Variants in OTULINL observed in about 807,000 individuals in gnomAD.
The protein encoded by OTULINL is OTU deubiquitinase with linear linkage specificity like.
OTULINL carries 42 observed loss-of-function variants against 43.9 expected under a neutral mutation model. The ratio of observed to expected loss-of-function variants is 0.96; its 90% CI spans 0.75 to 1.24. The LOEUF (loss-of-function observed/expected upper bound fraction) is 1.24, where lower values mean the gene tolerates loss of function less well. Among genes scored for constraint, OTULINL ranks in the 50% most tolerant of loss-of-function variants. The pLI, the probability that OTULINL is intolerant of heterozygous loss-of-function variation, is 0.00. For missense variants in OTULINL, 411 were observed against 426.4 expected (o/e 0.96, Z 0.32); for synonymous variants, 172 against 153.6 (o/e 1.12, Z -0.88).
rs895204926 is a variant in OTULINL at position 14,610,212 on chromosome 5, C to T, written c.969C>T (p.Ser323=). 8 of 1,613,856 alleles carry T rather than the reference C, an allele frequency of 5.0e-6. No individual in the cohort carries two copies. Among genetic ancestry groups the T allele is most frequent in the South Asian group, 1.1e-5 (1 of 91,062 alleles). ...TGTTCAGACTGTTCAAGTTTAACTC[C>T]AGAGACTTTGAAGTCTGCTACCCAG... ...IKVFRLFKFN[S]RDFEVCYPEE... Residue 323 remains serine, a synonymous_variant, in exon 8 of 8, where the codon TCC becomes TCT. Transcript: ENST00000274217.
At position 14,616,151 on chromosome 5, in the gene OTULINL, A is replaced by G. The variant is rs1475786260; in HGVS notation, c.*5837A>G. Among the ~76,000 whole-genome samples, 1 of 152,232 alleles carries G rather than the reference A, an allele frequency of 6.6e-6. No individual in the cohort carries two copies. Among genetic ancestry groups the G allele is most frequent in the East Asian group, 1.9e-4 (1 of 5,196 alleles). On this transcript the variant is annotated 3_prime_UTR_variant, in exon 8 of 8. Transcript: ENST00000274217. ...GTACTTAATCTTGCAGTGTGGTAAT[A>G]AAGACTTCTACACTTTAGTAGCACT... is the stretch of plus-strand genomic sequence containing the variant.
At position 14,607,454 on chromosome 5, in the gene OTULINL, C is replaced by T. The variant is rs779793128; in HGVS notation, c.623C>T (p.Thr208Ile). Residue 208 changes from threonine to isoleucine, a missense_variant, in exon 6 of 8, where the codon ACA becomes ATA. Transcript: ENST00000274217. Reference protein sequence around the residue: ...KLRKYVELLKTQWTEFNGIRD... With the variant: ...KLRKYVELLKIQWTEFNGIRD... ...CGGAAATATGTGGAATTATTGAAAA[C>T]ACAGGTAAGTGTTTGCGGGGGAAAT... The T allele has an allele frequency of 3.7e-6, 6 of 1,613,704 alleles. No individual in the cohort carries two copies. The highest frequency in any genetic ancestry group is 1.7e-4 in the Middle Eastern group (1 of 6,060).
At chr5:14,597,766 T>G (rs1336721313) in intron 1 of OTULINL, among the ~76,000 whole-genome samples, 1 of 152,216 alleles carries the variant, frequency 6.6e-6, no homozygotes, top group East Asian at 1.9e-4. Flanking sequence ...CAGATGGTTC[T>G]CTGGTACCCA....
intron 1 of OTULINL, among the ~76,000 whole-genome samples, chr5:14,597,171 C>T (rs531340533): frequency 3.3e-5 from 5 of 152,198 alleles, no homozygotes; most frequent in South Asian, 2.1e-4. Flanking sequence ...AACAATAATT[C>T]GTGTTTATTG....
At chr5:14,592,934 A>G (rs1318760972) in intron 1 of OTULINL, among the ~76,000 whole-genome samples, 1 of 152,088 alleles carries the variant, frequency 6.6e-6, no homozygotes, top group East Asian at 1.9e-4. Context: ...GCTCAGTCTC[A>G]TGTCCTAGGG....
chr5:14,586,957 C>T (rs992897140), intron 1 of OTULINL, among the ~76,000 whole-genome samples: 2 of 151,800 alleles, frequency 1.3e-5, no homozygotes. Flanking sequence ...AGGCTTGGGA[C>T]AGCCTCGGTG....
chr5:14,582,251 A>G (rs986823963), intron 1 of OTULINL, among the ~76,000 whole-genome samples: 12 of 151,890 alleles, frequency 7.9e-5, no homozygotes, highest in African/African-American at 2.4e-4. Flanking sequence ...GGTTCCTGGA[A>G]GAAAGCCGGT....
Position 14,609,455 on chromosome 5 carries a change from G to A in OTULINL, c.897+438G>A, listed in dbSNP as rs540837447. The stretch of plus-strand genomic sequence containing the variant: ...TAGAAAAGAGTTTCTTTTTTGTTTT[G>A]CTTTCCTAGAGGGCGAACAAAATTA... On this transcript the variant is annotated intron_variant, in intron 7 of 7. Transcript: ENST00000274217. Among the ~76,000 whole-genome samples, 5 of 152,268 alleles carry A rather than the reference G, an allele frequency of 3.3e-5. No individual in the cohort carries two copies. In the South Asian group the frequency reaches 1.0e-3, roughly 32 times the overall value.
chr5:14,599,874 T>A (rs555849426), intron 1 of OTULINL, among the ~76,000 whole-genome samples: 1 of 152,240 alleles, frequency 6.6e-6, no homozygotes, highest in Non-Finnish European at 1.5e-5. Context: ...ATATGCAGCA[T>A]CACTAAATAG....
chr5:14,586,818 G>A (rs1287314892), intron 1 of OTULINL, among the ~76,000 whole-genome samples: 2 of 151,944 alleles, frequency 1.3e-5, no homozygotes, highest in African/African-American at 4.8e-5. Flanking sequence ...ATTCTCAAGA[G>A]AGTCTTCCCT....
In OTULINL at chr5:14,587,207, A is replaced by C. The variant is rs1403417329; in HGVS notation, c.64+5249A>C. Among the ~76,000 whole-genome samples, 4 of 152,194 alleles carry C rather than the reference A, an allele frequency of 2.6e-5. No homozygotes were observed. In the East Asian group the frequency reaches 7.7e-4, roughly 29 times the overall value. On this transcript the variant is annotated intron_variant, in intron 1 of 7. Transcript: ENST00000274217. ...ATAACACCTGATACTTTGGGGTTGTATTTTTTGACCTGTGACGAGAAGGCC... is the reference window on the plus strand; with the variant it reads ...ATAACACCTGATACTTTGGGGTTGTCTTTTTTGACCTGTGACGAGAAGGCC...
chr5:14,584,622 T>G (rs528200174), intron 1 of OTULINL, among the ~76,000 whole-genome samples: 5 of 152,198 alleles, frequency 3.3e-5, no homozygotes, highest in Admixed American at 1.3e-4. Flanking sequence ...TGGTTCTGAG[T>G]AAGCACTCAA....
In OTULINL at chr5:14,602,194, G is replaced by C; in HGVS notation, c.360G>C (p.Glu120Asp). 6.2e-7 allele frequency: 1 copy of C among 1,602,752 alleles called. No individual in the cohort carries two copies. Among genetic ancestry groups the C allele is most frequent in the Non-Finnish European group, 8.5e-7 (1 of 1,175,106 alleles). The change falls in exon 5 of 8, where the codon GAG becomes GAC. Residue 120 changes from glutamate (E) to aspartate (D), a missense_variant. Coordinates refer to ENST00000274217, the MANE Select transcript of OTULINL (RefSeq NM_019018.3). ...RNKLMRKAYE[E>D]LFWRHHIKCV... ...TTTTATTTTATTAGGCTTATGAGGA[G>C]CTATTTTGGCGGCATCACATTAAAT...
intron 1 of OTULINL, among the ~76,000 whole-genome samples, chr5:14,590,089 A>G (rs1759173897): frequency 6.6e-6 from 1 of 152,178 alleles, no homozygotes; most frequent in South Asian, 2.1e-4. Context: ...AACAGACACA[A>G]CACTTACTTT....
chr5:14,587,802 C>G (rs1457727635), intron 1 of OTULINL, among the ~76,000 whole-genome samples: 1 of 152,158 alleles, frequency 6.6e-6, no homozygotes, highest in Non-Finnish European at 1.5e-5. Flanking sequence ...TGGTGACCTA[C>G]CTTGTACTGT....
In OTULINL at chr5:14,598,528, A is replaced by T. The variant is rs541104444; in HGVS notation, c.65-2437A>T. ...AAAAATCTACCACAAGGACTGTTAG[A>T]AAAGCATATTTGCCACAGCATTGTT... On this transcript the variant is annotated intron_variant, in intron 1 of 7. Transcript: ENST00000274217. 5.9e-5 allele frequency among the ~76,000 whole-genome samples: 9 copies of T among 152,356 alleles called. No homozygotes were observed. The South Asian group carries it at 1.9e-3, about 32-fold the overall frequency.
intron 1 of OTULINL, among the ~76,000 whole-genome samples, chr5:14,597,190 T>C (rs16903568): frequency 0.016 from 2,390 of 152,310 alleles, 75 homozygotes; most frequent in African/African-American, 0.055. Flanking sequence ...TGGGTACTTA[T>C]GGTGTGTGTC....
chr5:14,597,385 G>A (rs1019325710), intron 1 of OTULINL, among the ~76,000 whole-genome samples: 3 of 152,150 alleles, frequency 2.0e-5, no homozygotes, highest in Non-Finnish European at 4.4e-5. Context: ...AGAAACTGAG[G>A]CTTAGGGAGG....
At position 14,601,423 on chromosome 5, in the gene OTULINL, G is replaced by T. The variant is rs568811741; in HGVS notation, c.329G>T (p.Arg110Leu). Residue 110 changes from arginine (R) to leucine (L), a missense_variant, in exon 4 of 8, where the codon CGT becomes CTT. Physicochemically the swap from Arg to Leu is moderately radical, Grantham distance 102 (BLOSUM62 -2). Coordinates refer to ENST00000274217, the MANE Select transcript of OTULINL (RefSeq NM_019018.3). ...CAREWKGETP[R>L]NKLMRKAYEE... ...AGAGAATGGAAAGGAGAGACACCCC[G>T]TAACAAGCTGATGAGGAAGGTGTGT... 2.5e-6 allele frequency: 4 copies of T among 1,613,958 alleles called. No individual in the cohort carries two copies. The highest frequency in any genetic ancestry group is 2.2e-5 in the South Asian group (2 of 91,068).
Sources: gnomAD v4.1 joint callset for allele counts (sites outside exome capture counted in the v4.1 genomes callset) on GRCh38, gnomAD v4.1.1 for gene constraint, MANE v1.5 for transcripts, NCBI Gene and HGNC (gene_info 2026-07-23, HGNC 2026-07-21) for gene names.